PLSCR4: variants seen among roughly 807,000 people sequenced by gnomAD.
PLSCR4 encodes phospholipid scramblase 4.
A neutral mutation model predicts 36.3 loss-of-function variants in PLSCR4; 25 were observed. The observed-to-expected ratio is 0.69, with a 90% CI of 0.50 to 0.96. PLSCR4 has a LOEUF of 0.96. Among genes scored for constraint, PLSCR4 ranks in the 40% least tolerant of loss-of-function variants. The pLI is 0.00. For missense variants in PLSCR4, 408 were observed against 414.7 expected, an observed-to-expected ratio of 0.98 and a Z score of 0.14; for synonymous variants, 122 against 132.9, an observed-to-expected ratio of 0.92 and a Z score of 0.56.
Position 146,225,664 on chromosome 3 carries a change from C to T in PLSCR4, c.-21-3572G>A, listed in dbSNP as rs1040765310. On this transcript the variant is annotated intron_variant, in intron 1 of 8. Coordinates refer to ENST00000354952, the MANE Select transcript of PLSCR4 (RefSeq NM_020353.3). The stretch of plus-strand genomic sequence containing the variant: ...GAGGACTCACTACACCCTCCGCAGC[C>T]ACTGGCCCAGGAGCTAAGTCCCTCA... Among the ~76,000 whole-genome samples the T allele has an allele frequency of 6.3e-4, 96 of 152,212 alleles. 1 individual carries two copies. Among genetic ancestry groups the T allele is most frequent in the Non-Finnish European group, 1.2e-4 (8 of 68,036 alleles).
intron 1 of PLSCR4, among the ~76,000 whole-genome samples, chr3:146,234,016 A>T (rs2035819246): frequency 6.6e-6 from 1 of 152,210 alleles, no homozygotes. Flanking sequence ...CCCAAAAAAC[A>T]TAATAGGTCA....
At chr3:146,223,961 T>A (rs754149306) in intron 1 of PLSCR4, among the ~76,000 whole-genome samples, 5 of 59,406 alleles carry the variant, frequency 8.4e-5, no homozygotes, top group African/African-American at 2.1e-4. Context: ...ATAATAAATA[T>A]TTATTTATTT....
At chr3:146,210,941 T>C (rs1386921849) in intron 3 of PLSCR4, among the ~76,000 whole-genome samples, 11 of 152,068 alleles carry the variant, frequency 7.2e-5, no homozygotes, top group Non-Finnish European at 1.2e-4. Flanking sequence ...TAGTATTCTA[T>C]TGTGTGGATA....
chr3:146,233,389 A>G (rs1157346234), intron 1 of PLSCR4, among the ~76,000 whole-genome samples: 1 of 152,134 alleles, frequency 6.6e-6, no homozygotes, highest in Non-Finnish European at 1.5e-5. Context: ...TTTTGAACAG[A>G]TAACTGTTGT....
At chr3:146,212,188 CTTTAA>C (rs1032682879) in intron 3 of PLSCR4, among the ~76,000 whole-genome samples, 3 of 151,894 alleles carry the variant, frequency 2.0e-5, no homozygotes, top group Admixed American at 6.6e-5. Context: ...ACGTAGTCTT[CTTTAA>C]TTTCTTTCAA....
At chr3:146,199,639 A>T (rs1434173798) in intron 6 of PLSCR4, among the ~76,000 whole-genome samples, 174 bp downstream of exon 6, 1 of 152,032 alleles carries the variant, frequency 6.6e-6, no homozygotes. Flanking sequence ...AAAAAGAAAA[A>T]ATCCTCTATG....
intron 7 of PLSCR4, among the ~76,000 whole-genome samples, 162 bp from the exon 8 acceptor site, chr3:146,195,444 C>T (rs1399379331): frequency 6.6e-6 from 1 of 152,130 alleles, no homozygotes; most frequent in Non-Finnish European, 1.5e-5. Flanking sequence ...AACTGCCTTG[C>T]AACTGGTTAA....
At chr3:146,215,406 A>G (rs1309673577) in intron 3 of PLSCR4, among the ~76,000 whole-genome samples, 3 of 152,094 alleles carry the variant, frequency 2.0e-5, no homozygotes, top group Non-Finnish European at 4.4e-5. Flanking sequence ...CTTTTATTTA[A>G]CTAATATAAG....
intron 1 of PLSCR4, among the ~76,000 whole-genome samples, chr3:146,247,291 T>C (rs1026892015): frequency 7.2e-5 from 11 of 152,102 alleles, no homozygotes; most frequent in African/African-American, 2.7e-4. Context: ...AAAGATACTA[T>C]CAAACTGCAC....
intron 1 of PLSCR4, among the ~76,000 whole-genome samples, chr3:146,237,686 C>A (rs2035973450): frequency 6.6e-6 from 1 of 151,826 alleles, no homozygotes; most frequent in Non-Finnish European, 1.5e-5. Context: ...AGGCCACAAA[C>A]TTATGAAGTA....
intron 1 of PLSCR4, chr3:146,250,734 T>C (rs912824260): frequency 6.6e-6 from 1 of 152,054 alleles, no homozygotes; most frequent in African/African-American, 2.4e-5. Context: ...ACCCTCTGCG[T>C]CTGCAGTGCA....
rs116680675 is a variant in PLSCR4, at chr3:146,194,793, G to A, written c.945+331C>T. Among the ~76,000 whole-genome samples, 1,421 of 152,192 alleles carry A rather than the reference G, an allele frequency of 9.3e-3. 7 individuals are homozygous for A. Among genetic ancestry groups the A allele is most frequent in the Non-Finnish European group, 0.014 (951 of 67,996 alleles). On this transcript the variant is annotated intron_variant, in intron 8 of 8. Transcript: ENST00000354952. ...GAGTTATTTCACTAAGAAATCATAG[G>A]CTAGGCATTTTTAAGTAGTGACAAT...
At chr3:146,235,528 T>C (rs920912364) in intron 1 of PLSCR4, among the ~76,000 whole-genome samples, 5 of 152,102 alleles carry the variant, frequency 3.3e-5, no homozygotes, top group Admixed American at 6.6e-5. Context: ...AATTACCCAG[T>C]CTCAGGTATT....
intron 1 of PLSCR4, among the ~76,000 whole-genome samples, chr3:146,236,204 A>G (rs1164416283): frequency 6.6e-6 from 1 of 152,194 alleles, no homozygotes; most frequent in African/African-American, 2.4e-5. Context: ...CCTTGAAGGC[A>G]TCTCAGAGAC....
chr3:146,202,183 A>C (rs1489766312), intron 4 of PLSCR4, among the ~76,000 whole-genome samples: 1 of 152,034 alleles, frequency 6.6e-6, no homozygotes, highest in African/African-American at 2.4e-5. Flanking sequence ...TAAAATACCA[A>C]AAGTGACTAC....
In PLSCR4 at chr3:146,194,232, AAACACACTTTTAGATTGTGTTCT is replaced by A; in HGVS notation, c.*156_*178del. The A allele has an allele frequency of 1.7e-6, 1 of 582,472 alleles. No homozygotes were observed. Among genetic ancestry groups the A allele is most frequent in the East Asian group, 2.8e-5 (1 of 35,558 alleles). 36.1% of individuals were successfully genotyped at this position (582,472 alleles called of 1,614,324 possible). On this transcript the variant is annotated 3_prime_UTR_variant, in exon 9 of 9. Coordinates refer to ENST00000354952, the MANE Select transcript of PLSCR4 (RefSeq NM_020353.3). Reference sequence around the variant, plus strand: ...ATTCTACTAGAGAGATACTCAATTGAAACACACTTTTAGATTGTGTTCTTGCAAGCCCACTCTCAGCTGTCAAA... The same window carrying A: ...ATTCTACTAGAGAGATACTCAATTGATGCAAGCCCACTCTCAGCTGTCAAA...
intron 6 of PLSCR4, among the ~76,000 whole-genome samples, chr3:146,197,647 A>G (rs1343933572): frequency 6.6e-6 from 1 of 152,188 alleles, no homozygotes; most frequent in Non-Finnish European, 1.5e-5. Flanking sequence ...ATCTTCAACA[A>G]TATTATTTTG....
Position 146,214,406 on chromosome 3 carries a change from A to ATTT in PLSCR4, c.118+6408_118+6409insAAA, listed in dbSNP as rs1258439223. Among the ~76,000 whole-genome samples the ATTT allele has an allele frequency of 5.4e-4, 5 of 9,344 alleles. 1 individual carries two copies. The highest frequency in any genetic ancestry group is 9.3e-4 in the Non-Finnish European group (3 of 3,232). 6.1% of individuals were successfully genotyped at this position (9,344 alleles called of 152,430 possible). ...CCAAAGTGCTGGGATTACAGGCGTG[A>ATTT]GCCACCGCGCCCGGCCCTCTTCCTT... On this transcript the variant is annotated intron_variant, in intron 3 of 8. Transcript: ENST00000354952.
chr3:146,234,633 CT>C (rs2035842778), intron 1 of PLSCR4, among the ~76,000 whole-genome samples: 1 of 151,948 alleles, frequency 6.6e-6, no homozygotes, highest in African/African-American at 2.4e-5. Context: ...TAAATAAAAC[CT>C]CATTTTTTTT....
Sources: gnomAD v4.1 joint callset for allele counts (sites outside exome capture counted in the v4.1 genomes callset) on GRCh38, gnomAD v4.1.1 for gene constraint, MANE v1.5 for transcripts, NCBI Gene and HGNC (gene_info 2026-07-23, HGNC 2026-07-21) for gene names.